NRG1: variants seen among roughly 807,000 people sequenced by gnomAD.
NRG1 encodes the protein neuregulin 1.
In NRG1, 18 loss-of-function variants were observed where a neutral mutation model predicts 63.8. That is an observed-to-expected ratio of 0.28 (90% CI 0.19 to 0.42). The LOEUF (loss-of-function observed/expected upper bound fraction) is 0.42, where lower values mean the gene tolerates loss of function less well. Among genes scored for constraint, NRG1 ranks in the 10% least tolerant of loss-of-function variants. The probability of loss-of-function intolerance (pLI) is 1.00; values close to 1 mark genes in which losing one functional copy is unlikely to be tolerated. For synonymous variants in NRG1, 302 were observed against 301.3 expected, an observed-to-expected ratio of 1.00 and a Z score of -0.02; for missense variants, 762 against 814.7, an observed-to-expected ratio of 0.94 and a Z score of 0.79.
At chr8:32,294,818 A>G (rs905215583) in intron 1 of NRG1, among the ~76,000 whole-genome samples, 1 of 151,952 alleles carries the variant, frequency 6.6e-6, no homozygotes, top group African/African-American at 2.4e-5. Flanking sequence ...ATAATAAATA[A>G]CATTATGCAG....
At chr8:32,663,736 A>G (rs1803448723) in intron 5 of NRG1, among the ~76,000 whole-genome samples, 1 of 152,114 alleles carries the variant, frequency 6.6e-6, no homozygotes, top group Non-Finnish European at 1.5e-5. Context: ...TTTTTCTCAT[A>G]TTCTAGTACT....
intron 1 of NRG1, among the ~76,000 whole-genome samples, chr8:32,042,477 CATAAT>C (rs1344081272): frequency 6.6e-6 from 1 of 151,710 alleles, no homozygotes; most frequent in Non-Finnish European, 1.5e-5. Context: ...CTTAGAGTCT[CATAAT>C]ATTCAGTAAG....
chr8:31,734,713 T>C (rs1814476943), intron 1 of NRG1, among the ~76,000 whole-genome samples: 1 of 152,218 alleles, frequency 6.6e-6, no homozygotes, highest in African/African-American at 2.4e-5. Context: ...AAAAATTTAC[T>C]CACTCTCATT....
chr8:31,747,431 G>T (rs1006430638), intron 1 of NRG1, among the ~76,000 whole-genome samples: 5 of 151,948 alleles, frequency 3.3e-5, no homozygotes, highest in Non-Finnish European at 7.4e-5. Flanking sequence ...GTCTCATATG[G>T]AGTGACAAAT....
At chr8:32,403,215 T>C (rs1246376230) in intron 1 of NRG1, among the ~76,000 whole-genome samples, 1 of 149,762 alleles carries the variant, frequency 6.7e-6, no homozygotes, top group African/African-American at 2.5e-5. Flanking sequence ...AGAGAATTGC[T>C]TGAACCTGGA....
At chr8:32,462,293 A>T (rs1587788824) in intron 1 of NRG1, among the ~76,000 whole-genome samples, 4 of 152,302 alleles carry the variant, frequency 2.6e-5, no homozygotes, top group African/African-American at 9.6e-5. Flanking sequence ...AGGTAAAACT[A>T]ATCTTAGACT....
At chr8:31,798,126 A>G (rs761199286) in intron 1 of NRG1, among the ~76,000 whole-genome samples, 1 of 152,126 alleles carries the variant, frequency 6.6e-6, no homozygotes, top group African/African-American at 2.4e-5. Flanking sequence ...CAAGAAGAAT[A>G]CTTTCTAGTG....
At chr8:31,693,652 C>T (rs1268909220) in intron 1 of NRG1, among the ~76,000 whole-genome samples, 1 of 152,154 alleles carries the variant, frequency 6.6e-6, no homozygotes, top group Non-Finnish European at 1.5e-5. Context: ...TGTAGAAATC[C>T]TCTCTTGAAT....
intron 8 of NRG1, among the ~76,000 whole-genome samples, chr8:32,756,032 C>G (rs80036123): frequency 0.059 from 9,013 of 152,168 alleles, 924 homozygotes; most frequent in African/African-American, 0.21. Context: ...ATGAGCCACC[C>G]CACCCAGCCC....
At chr8:31,946,400 T>C (rs1005366756) in intron 1 of NRG1, among the ~76,000 whole-genome samples, 1 of 152,196 alleles carries the variant, frequency 6.6e-6, no homozygotes, top group African/African-American at 2.4e-5. Flanking sequence ...TGGAAGATCA[T>C]GCATGGGGAT....
chr8:32,006,570 CA>C (rs1291606759), intron 1 of NRG1, among the ~76,000 whole-genome samples: 1 of 151,986 alleles, frequency 6.6e-6, no homozygotes, highest in Non-Finnish European at 1.5e-5. Flanking sequence ...CAGGGAAAGT[CA>C]GAGGAATTCA....
chr8:32,366,063 A>T (rs1807935646), intron 1 of NRG1, among the ~76,000 whole-genome samples: 1 of 152,196 alleles, frequency 6.6e-6, no homozygotes, highest in Admixed American at 6.5e-5. Flanking sequence ...TATTTTTCAG[A>T]ATTTTGTGCA....
At chr8:31,980,671 T>A (rs1024216571) in intron 1 of NRG1, among the ~76,000 whole-genome samples, 5 of 152,008 alleles carry the variant, frequency 3.3e-5, no homozygotes. Context: ...ACCATAAAGG[T>A]TTAGGTCTAG....
chr8:32,530,314 A>G (rs953999642), intron 1 of NRG1, among the ~76,000 whole-genome samples: 3 of 152,026 alleles, frequency 2.0e-5, no homozygotes, highest in Non-Finnish European at 4.4e-5. Flanking sequence ...TCACCGTGTT[A>G]GCCAGGATGG....
intron 1 of NRG1, among the ~76,000 whole-genome samples, chr8:32,128,341 A>G (rs964531439): frequency 6.6e-6 from 1 of 151,914 alleles, no homozygotes; most frequent in Non-Finnish European, 1.5e-5. Flanking sequence ...TTAGAGGGCA[A>G]TGTGCATTCC....
At chr8:32,665,754 GA>G (rs1437578806) in intron 5 of NRG1, among the ~76,000 whole-genome samples, 1 of 152,148 alleles carries the variant, frequency 6.6e-6, no homozygotes, top group African/African-American at 2.4e-5. Flanking sequence ...CGTGGTTGCA[GA>G]TGTAAATAAT....
chr8:32,556,420 G>GT (rs1278879620), intron 1 of NRG1, among the ~76,000 whole-genome samples: 3 of 152,150 alleles, frequency 2.0e-5, no homozygotes, highest in Admixed American at 6.5e-5. Context: ...GAGAAAAGTA[G>GT]TAAGTTTCCA....
chr8:32,090,354 A>G (rs1419487378), intron 1 of NRG1, among the ~76,000 whole-genome samples: 2 of 152,170 alleles, frequency 1.3e-5, no homozygotes, highest in Non-Finnish European at 2.9e-5. Flanking sequence ...ATGTCTTAGG[A>G]AAAGAGTCCG....
chr8:32,453,423 AT>A (rs1292654766), intron 1 of NRG1, among the ~76,000 whole-genome samples: 1 of 152,190 alleles, frequency 6.6e-6, no homozygotes, highest in East Asian at 1.9e-4. Context: ...AAATCACCGT[AT>A]AAGGGGTGTA....
Sources: allele counts gnomAD v4.1 joint callset (sites outside exome capture counted in the v4.1 genomes callset), GRCh38; gene constraint gnomAD v4.1.1; transcripts MANE v1.5; gene names NCBI Gene and HGNC (gene_info 2026-07-23, HGNC 2026-07-21).